The following IL15 variants were observed in gnomAD, a reference collection of about 807,000 sequenced individuals.
IL15 encodes the protein interleukin 15, also known as interleukin-15.
Under a neutral mutation model 19.6 loss-of-function variants are expected in IL15, and 11 were observed. That is an observed-to-expected ratio of 0.56 (90% CI 0.35 to 0.93). The LOEUF is 0.93. Among genes scored for constraint, IL15 ranks in the 40% least tolerant of loss-of-function variants. The probability of loss-of-function intolerance (pLI) is 0.01; values close to 1 mark genes in which losing one functional copy is unlikely to be tolerated. For missense variants in IL15, 197 were observed against 186.5 expected, an observed-to-expected ratio of 1.06 and a Z score of -0.33; for synonymous variants, 58 against 59.6, an observed-to-expected ratio of 0.97 and a Z score of 0.12.
intron 2 of IL15, among the ~76,000 whole-genome samples, chr4:141,656,934 C>T (rs1287258297): frequency 1.3e-5 from 2 of 152,088 alleles, no homozygotes; most frequent in Non-Finnish European, 2.9e-5. Flanking sequence ...CAAGTTCAGT[C>T]TCGATAACTA....
intron 1 of IL15, among the ~76,000 whole-genome samples, chr4:141,652,205 T>G (rs1727431913): frequency 6.6e-6 from 1 of 152,150 alleles, no homozygotes; most frequent in Admixed American, 6.6e-5. Context: ...TAAGAATAGT[T>G]AATGAGGCCA....
chr4:141,717,589 A>C (rs1158180451), intron 2 of IL15: 1 of 152,362 alleles, frequency 6.6e-6, no homozygotes, highest in Non-Finnish European at 1.5e-5. Context: ...TGTCCCTTGT[A>C]AATTAAGTTT....
intron 2 of IL15, among the ~76,000 whole-genome samples, chr4:141,694,289 T>A (rs1378647750): frequency 6.6e-6 from 1 of 152,156 alleles, no homozygotes; most frequent in East Asian, 1.9e-4. Context: ...CCTGAGAAAA[T>A]TACTGGACTA....
At chr4:141,680,614 G>A (rs991986229) in intron 2 of IL15, among the ~76,000 whole-genome samples, 5 of 152,188 alleles carry the variant, frequency 3.3e-5, no homozygotes, top group African/African-American at 1.2e-4. Flanking sequence ...TTCACTCAGA[G>A]CTGTGCTTGC....
At position 141,648,206 on chromosome 4, in the gene IL15, A is replaced by G. The variant is rs1727292560; in HGVS notation, c.-221-7980A>G. On this transcript the variant is annotated intron_variant, in intron 1 of 7. Coordinates refer to ENST00000320650, the MANE Select transcript of IL15 (RefSeq NM_000585.5). ...TCCTATTATCAGGGTCAGGAAGGGA[A>G]ATAGAATTTTCTGGGGATGTACTTT... 2.0e-5 allele frequency among the ~76,000 whole-genome samples: 3 copies of G among 152,194 alleles called. No homozygotes were observed. The South Asian group carries it at 6.2e-4, about 32-fold the overall frequency.
Position 141,656,305 on chromosome 4 carries a change from C to G in IL15, c.-102C>G, listed in dbSNP as rs996429480. On this transcript the variant is annotated splice_region_variant and 5_prime_UTR_variant, in exon 2 of 8. The change creates a new upstream start codon in the 5' untranslated region. Transcript: ENST00000320650. ...AGCAGATAGCCAGCCCATACAAGAT[C>G]GTGTAAGTAAAGTTTTAAAAGTTTT... is the stretch of plus-strand genomic sequence containing the variant. 7.5e-6 allele frequency: 3 copies of G among 397,856 alleles called. No homozygotes were observed. The East Asian group carries it at 1.1e-4, about 14-fold the overall frequency. 24.6% of individuals were successfully genotyped at this position (397,856 alleles called of 1,614,324 possible).
chr4:141,689,496 C>G (rs1005119060), intron 2 of IL15, among the ~76,000 whole-genome samples: 1 of 151,276 alleles, frequency 6.6e-6, no homozygotes, highest in Non-Finnish European at 1.5e-5. Flanking sequence ...ATTCACAAAC[C>G]CTGAGCTAGG....
At chr4:141,719,664 G>C (rs1469881243) in intron 3 of IL15, among the ~76,000 whole-genome samples, 188 bp downstream of exon 3, 2 of 152,066 alleles carry the variant, frequency 1.3e-5, no homozygotes, top group South Asian at 4.2e-4. Context: ...TGACCATCTT[G>C]ATAGGCTCTT....
intron 2 of IL15, among the ~76,000 whole-genome samples, chr4:141,685,714 T>A (rs996095729): frequency 1.1e-4 from 17 of 152,200 alleles, no homozygotes; most frequent in African/African-American, 3.9e-4. Context: ...ATCTATTGAG[T>A]TGAAATTTTA....
intron 1 of IL15, among the ~76,000 whole-genome samples, chr4:141,640,377 C>G (rs922698276): frequency 6.6e-6 from 1 of 152,020 alleles, no homozygotes; most frequent in Non-Finnish European, 1.5e-5. Flanking sequence ...AGACACTCCA[C>G]TGAGATTTAT....
At chr4:141,653,428 A>C (rs766187867) in intron 1 of IL15, among the ~76,000 whole-genome samples, 1 of 152,190 alleles carries the variant, frequency 6.6e-6, no homozygotes, top group Non-Finnish European at 1.5e-5. Flanking sequence ...TAAACTTCAA[A>C]AGTTTCAAAG....
At chr4:141,637,934 G>T (rs575590928) in intron 1 of IL15, among the ~76,000 whole-genome samples, 15 of 152,208 alleles carry the variant, frequency 9.9e-5, no homozygotes, top group South Asian at 2.1e-4. Context: ...CCATGTAGAG[G>T]TTATAAGGTG....
chr4:141,730,006 T>G, intron 7 of IL15, 22 bp downstream of exon 7: 1 of 1,590,288 alleles, frequency 6.3e-7, no homozygotes, highest in Non-Finnish European at 8.6e-7. Context: ...AACAGTTGCT[T>G]AGAGTTGCAT....
At position 141,693,016 on chromosome 4, in the gene IL15, C is replaced by CAAAAAAAAAAAAA. The variant is rs70949131; in HGVS notation, c.-99-26336_-99-26324dup. On this transcript the variant is annotated intron_variant, in intron 2 of 7. Transcript: ENST00000320650. ...AGGGGAACAGAGCAAGACTCCGTCT[C>CAAAAAAAAAAAAA]AAAAAAAAAAAAAAAAAAAAAAAAA... Among the ~76,000 whole-genome samples the CAAAAAAAAAAAAA allele has an allele frequency of 2.6e-3, 60 of 23,238 alleles. 15 individuals are homozygous for CAAAAAAAAAAAAA. Among genetic ancestry groups the CAAAAAAAAAAAAA allele is most frequent in the African/African-American group, 3.2e-3 (20 of 6,312 alleles). 15.2% of individuals were successfully genotyped at this position (23,238 alleles called of 152,430 possible).
chr4:141,696,194 C>A (rs764403531), intron 2 of IL15, among the ~76,000 whole-genome samples: 9 of 152,102 alleles, frequency 5.9e-5, no homozygotes, highest in Non-Finnish European at 1.2e-4. Context: ...GAAAGACTGT[C>A]TTTTACCCAA....
At chr4:141,726,525 A>C (rs2152192103) in intron 5 of IL15, among the ~76,000 whole-genome samples, 1 of 152,336 alleles carries the variant, frequency 6.6e-6, no homozygotes, top group African/African-American at 2.4e-5. Context: ...GGCACTGTAT[A>C]AAATAGTTTG....
At chr4:141,690,880 T>C (rs1191902335) in intron 2 of IL15, among the ~76,000 whole-genome samples, 1 of 152,218 alleles carries the variant, frequency 6.6e-6, no homozygotes, top group Non-Finnish European at 1.5e-5. Context: ...GTTTCATGCC[T>C]CTGTGCCATT....
chr4:141,687,854 G>T (rs898935132), intron 2 of IL15, among the ~76,000 whole-genome samples: 27 of 152,092 alleles, frequency 1.8e-4, no homozygotes, highest in African/African-American at 6.5e-4. Context: ...TCATGATCAT[G>T]TTAAGATCTA....
At chr4:141,720,618 G>T in intron 4 of IL15, 52 bp downstream of exon 4, 1 of 954,210 alleles carries the variant, frequency 1.0e-6, no homozygotes, top group Non-Finnish European at 1.7e-6. Context: ...CATGATGATT[G>T]TCCTTGGATA....
Sources: gnomAD v4.1 joint callset for allele counts (sites outside exome capture counted in the v4.1 genomes callset) on GRCh38, gnomAD v4.1.1 for gene constraint, MANE v1.5 for transcripts, NCBI Gene and HGNC (gene_info 2026-07-23, HGNC 2026-07-21) for gene names.